Variants in SGCZ observed in about 807,000 individuals in gnomAD.
SGCZ encodes the protein sarcoglycan zeta.
Under a neutral mutation model 41.3 loss-of-function variants are expected in SGCZ, and 40 were observed. The observed-to-expected ratio is 0.97, with a 90% CI of 0.75 to 1.26. The LOEUF is 1.26. Among genes scored for constraint, SGCZ ranks in the 50% most tolerant of loss-of-function variants. SGCZ has a pLI of 0.00. For synonymous variants in SGCZ, 206 were observed against 137.5 expected (o/e 1.50, Z -3.49); for missense variants, 552 against 369.8 (o/e 1.49, Z -4.04).
chr8:14,119,285 G>C (rs1023034834), intron 5 of SGCZ, among the ~76,000 whole-genome samples: 1 of 152,102 alleles, frequency 6.6e-6, no homozygotes, highest in Non-Finnish European at 1.5e-5. Context: ...CACATCCCCT[G>C]TAAGTTGTAT....
chr8:14,220,435 T>C (rs1806152443), intron 4 of SGCZ, among the ~76,000 whole-genome samples: 2 of 152,318 alleles, frequency 1.3e-5, no homozygotes, highest in African/African-American at 2.4e-5. Flanking sequence ...AGAAAGCAGA[T>C]GGTAGAGTCC....
rs575458364 is a variant in SGCZ, at chr8:14,377,792, T to C, written c.235-53588A>G. Among the ~76,000 whole-genome samples the C allele has an allele frequency of 2.6e-5, 4 of 152,048 alleles. No homozygotes were observed. In the South Asian group the frequency reaches 8.3e-4, roughly 32 times the overall value. On this transcript the variant is annotated intron_variant, in intron 2 of 7. Coordinates refer to ENST00000382080, the MANE Select transcript of SGCZ (RefSeq NM_139167.4). Reference sequence around the variant, plus strand: ...AGAATATGCGGTGTTTGGTTTTTTGTTCTTGCGATAGTTTACTGAGAATGA... The same window carrying C: ...AGAATATGCGGTGTTTGGTTTTTTGCTCTTGCGATAGTTTACTGAGAATGA...
intron 1 of SGCZ, among the ~76,000 whole-genome samples, chr8:14,830,226 T>C (rs1008710763): frequency 2.6e-5 from 4 of 152,106 alleles, no homozygotes; most frequent in Non-Finnish European, 5.9e-5. Context: ...CTTAGAAGTA[T>C]ATTAGGATAA....
chr8:15,227,731 T>A (rs561006230), intron 1 of SGCZ, among the ~76,000 whole-genome samples: 1 of 152,244 alleles, frequency 6.6e-6, no homozygotes, highest in Non-Finnish European at 1.5e-5. Context: ...TGGATTTTGA[T>A]GGCATTGCAC....
At chr8:14,183,236 G>T (rs967012301) in intron 4 of SGCZ, among the ~76,000 whole-genome samples, 6 of 151,702 alleles carry the variant, frequency 4.0e-5, no homozygotes, top group African/African-American at 1.5e-4. Flanking sequence ...AGAAAACCTG[G>T]ATACTCCTGT....
rs1436705736 is a variant in SGCZ, at chr8:14,088,561, ATAAAT to A, written c.*1877_*1881del. On this transcript the variant is annotated 3_prime_UTR_variant, in exon 8 of 8. Coordinates refer to ENST00000382080, the MANE Select transcript of SGCZ (RefSeq NM_139167.4). ...TTATATTAAATTCTCTTATTTTAAT[ATAAAT>A]TAAACTCTTGTGTTATAACTTTGTA... is the stretch of plus-strand genomic sequence containing the variant. Among the ~76,000 whole-genome samples, 8 of 151,986 alleles carry A rather than the reference ATAAAT, an allele frequency of 5.3e-5. No homozygotes were observed. Among genetic ancestry groups the A allele is most frequent in the East Asian group, 3.9e-4 (2 of 5,152 alleles).
intron 1 of SGCZ, among the ~76,000 whole-genome samples, chr8:14,971,645 C>CTT (rs11456903): frequency 0.36 from 41,066 of 114,494 alleles, 8,588 homozygotes; most frequent in Non-Finnish European, 0.45. Context: ...ATTTTATATA[C>CTT]TTTTTTTTTT....
chr8:14,806,408 G>A lies in SGCZ; in HGVS notation c.40-251482C>T, dbSNP rs868514091. Reference sequence around the variant, plus strand: ...AAATGATAAAGGGGATATCACCACCGATCCCACAGAAATACAAACTACCAT... The same window carrying A: ...AAATGATAAAGGGGATATCACCACCAATCCCACAGAAATACAAACTACCAT... On this transcript the variant is annotated intron_variant, in intron 1 of 7. Coordinates refer to ENST00000382080, the MANE Select transcript of SGCZ (RefSeq NM_139167.4). Among the ~76,000 whole-genome samples the A allele has an allele frequency of 6.7e-3, 1,005 of 150,770 alleles. 15 individuals carry two copies. The highest frequency in any genetic ancestry group is 0.023 in the African/African-American group (961 of 40,960).
In SGCZ at chr8:14,687,789, G is replaced by T. The variant is rs976285604; in HGVS notation, c.40-132863C>A. Among the ~76,000 whole-genome samples the T allele has an allele frequency of 6.2e-4, 94 of 152,062 alleles. 1 individual carries two copies. The South Asian group carries it at 7.7e-3, about 12-fold the overall frequency. ...CGCCACACTGACTTCCACAATGGAT[G>T]AACTAGTTTACAGTCCCACCAATAG... On this transcript the variant is annotated intron_variant, in intron 1 of 7. Transcript: ENST00000382080.
intron 1 of SGCZ, among the ~76,000 whole-genome samples, chr8:15,080,199 T>G (rs942301681): frequency 6.6e-6 from 1 of 152,162 alleles, no homozygotes; most frequent in Non-Finnish European, 1.5e-5. Flanking sequence ...CAGTGAAATT[T>G]TTTATGACAC....
intron 1 of SGCZ, among the ~76,000 whole-genome samples, chr8:14,806,266 C>G (rs1801525988): frequency 6.6e-6 from 1 of 150,410 alleles, no homozygotes; most frequent in Admixed American, 6.6e-5. Flanking sequence ...CATAAAAAAC[C>G]CTTCAAAAAA....
intron 1 of SGCZ, among the ~76,000 whole-genome samples, chr8:15,155,956 G>A (rs1323827596): frequency 6.6e-6 from 1 of 151,272 alleles, no homozygotes; most frequent in African/African-American, 2.4e-5. Context: ...TACTCGAGAG[G>A]CCGAAGCAGG....
At chr8:15,226,737 T>C (rs1801787245) in intron 1 of SGCZ, among the ~76,000 whole-genome samples, 1 of 152,176 alleles carries the variant, frequency 6.6e-6, no homozygotes, top group South Asian at 2.1e-4. Context: ...TTCACTATAA[T>C]ATGGCCAGCC....
At chr8:14,884,428 T>C (rs983711100) in intron 1 of SGCZ, among the ~76,000 whole-genome samples, 1 of 152,198 alleles carries the variant, frequency 6.6e-6, no homozygotes, top group African/African-American at 2.4e-5. Flanking sequence ...ATTTATGCCA[T>C]AAGCTATAAA....
chr8:15,234,997 G>T (rs754384567), intron 1 of SGCZ, among the ~76,000 whole-genome samples: 9 of 152,154 alleles, frequency 5.9e-5, no homozygotes, highest in Non-Finnish European at 1.2e-4. Context: ...CCAAAGTTCT[G>T]TGTGGATGTG....
At chr8:14,486,484 A>G (rs1255354914) in intron 2 of SGCZ, among the ~76,000 whole-genome samples, 1 of 152,220 alleles carries the variant, frequency 6.6e-6, no homozygotes, top group African/African-American at 2.4e-5. Context: ...CCTAAATAAT[A>G]AAGATCAAAC....
intron 1 of SGCZ, among the ~76,000 whole-genome samples, chr8:14,967,968 A>G (rs2130860497): frequency 6.6e-6 from 1 of 152,244 alleles, no homozygotes; most frequent in Admixed American, 6.5e-5. Context: ...TGTTCAGTAA[A>G]CATTTGTTTT....
chr8:14,276,337 A>G (rs936601539), intron 3 of SGCZ, among the ~76,000 whole-genome samples: 3 of 152,092 alleles, frequency 2.0e-5, no homozygotes, highest in Non-Finnish European at 4.4e-5. Context: ...TATAGCATTC[A>G]TTTTTGCATT....
At chr8:14,802,335 C>T (rs943428588) in intron 1 of SGCZ, among the ~76,000 whole-genome samples, 7 of 152,278 alleles carry the variant, frequency 4.6e-5, no homozygotes, top group Non-Finnish European at 1.0e-4. Flanking sequence ...ATAAATAAAA[C>T]ATAAATAAAA....
Sources: gnomAD v4.1 joint callset for allele counts (sites outside exome capture counted in the v4.1 genomes callset) on GRCh38, gnomAD v4.1.1 for gene constraint, MANE v1.5 for transcripts, NCBI Gene and HGNC (gene_info 2026-07-23, HGNC 2026-07-21) for gene names.